The following ACER3 variants were observed in gnomAD, a reference collection of about 807,000 sequenced individuals.
ACER3 encodes the protein alkaline ceramidase 3.
Under a neutral mutation model 48.9 loss-of-function variants are expected in ACER3, and 16 were observed. That is an observed-to-expected ratio of 0.33 (90% CI 0.22 to 0.50). ACER3 has a LOEUF of 0.50. Ranked by LOEUF, ACER3 falls within the 20% of genes least tolerant of loss-of-function variation. The probability of loss-of-function intolerance (pLI) is 0.98; values close to 1 mark genes in which losing one functional copy is unlikely to be tolerated. For synonymous variants in ACER3, 109 were observed against 107.8 expected (o/e 1.01, Z -0.07); for missense variants, 227 against 326.0 (o/e 0.70, Z 2.34).
intron 7 of ACER3, among the ~76,000 whole-genome samples, chr11:77,004,748 A>G (rs114178366): frequency 1.3e-5 from 2 of 152,162 alleles, no homozygotes; most frequent in African/African-American, 4.8e-5. Flanking sequence ...CATTGTTTCG[A>G]TTAATGTTTG....
At chr11:76,973,227 C>T (rs552882706) in intron 3 of ACER3, among the ~76,000 whole-genome samples, 60 of 152,286 alleles carry the variant, frequency 3.9e-4, no homozygotes, top group African/African-American at 1.4e-3. Flanking sequence ...GGACTTCTGA[C>T]CTCCACAACT....
chr11:76,949,446 A>G (rs1158474819), intron 2 of ACER3, among the ~76,000 whole-genome samples: 4 of 152,228 alleles, frequency 2.6e-5, no homozygotes, highest in African/African-American at 9.7e-5. Flanking sequence ...ATCATGATGA[A>G]ATGTTGGCTA....
intron 4 of ACER3, among the ~76,000 whole-genome samples, chr11:76,981,961 G>A (rs1948593488): frequency 6.6e-6 from 1 of 152,078 alleles, no homozygotes; most frequent in Non-Finnish European, 1.5e-5. Context: ...CTGCCAAACT[G>A]TTTTTCAATT....
chr11:76,866,971 T>G (rs759082936), intron 1 of ACER3, among the ~76,000 whole-genome samples: 2 of 152,222 alleles, frequency 1.3e-5, no homozygotes, highest in Non-Finnish European at 2.9e-5. Flanking sequence ...TTTTCTTTAT[T>G]CATTTTTCTG....
rs1949496853 is a variant in ACER3 at position 77,023,009 on chromosome 11, G to GT, written c.*2687dup. On this transcript the variant is annotated 3_prime_UTR_variant, in exon 11 of 11. Coordinates refer to ENST00000532485, the MANE Select transcript of ACER3 (RefSeq NM_018367.7). ...TGAAAGCAATTTGACTTTTATTTTTGTTTTTCTAAAGAACAGCTAGGTGAA... is the reference window on the plus strand; with the variant it reads ...TGAAAGCAATTTGACTTTTATTTTTGTTTTTTCTAAAGAACAGCTAGGTGAA... 1 of 395,260 alleles carries GT rather than the reference G, an allele frequency of 2.5e-6. No homozygotes were observed. The highest frequency in any genetic ancestry group is 2.1e-5 in the African/African-American group (1 of 48,354). The allele number at this position is 395,260 out of a possible 1,614,324, so 24.5% of individuals were successfully genotyped here. A position where few individuals can be genotyped will look rare whatever the true frequency, so the allele number is the denominator to read the frequency against.
intron 7 of ACER3, among the ~76,000 whole-genome samples, chr11:77,008,814 G>A (rs1555021528): frequency 6.6e-6 from 1 of 152,092 alleles, no homozygotes; most frequent in Non-Finnish European, 1.5e-5. Flanking sequence ...CCAGCACTTA[G>A]GGAGGCCAAG....
At chr11:76,868,753 A>T (rs1228355617) in intron 1 of ACER3, among the ~76,000 whole-genome samples, 1 of 152,100 alleles carries the variant, frequency 6.6e-6, no homozygotes, top group Admixed American at 6.5e-5. Flanking sequence ...TTTTTTGTCC[A>T]ATCATATTTC....
At chr11:77,015,912 G>T (rs1329049246) in intron 8 of ACER3, among the ~76,000 whole-genome samples, 1 of 152,092 alleles carries the variant, frequency 6.6e-6, no homozygotes, top group Admixed American at 6.6e-5. Context: ...TTCAAGACCA[G>T]CCAGGCCAAC....
chr11:76,937,737 G>A (rs1947229081), intron 2 of ACER3, among the ~76,000 whole-genome samples: 1 of 152,122 alleles, frequency 6.6e-6, no homozygotes, highest in South Asian at 2.1e-4. Context: ...AAAAGATAGA[G>A]GAGAGAGTGA....
chr11:76,888,788 A>G (rs1250314934), intron 1 of ACER3, among the ~76,000 whole-genome samples: 1 of 152,206 alleles, frequency 6.6e-6, no homozygotes, highest in Admixed American at 6.5e-5. Context: ...ATGATCATGT[A>G]TCTCTTGTCA....
chr11:76,948,550 G>A (rs893893615), intron 2 of ACER3, among the ~76,000 whole-genome samples: 4 of 152,086 alleles, frequency 2.6e-5, no homozygotes, highest in Non-Finnish European at 4.4e-5. Context: ...TGCCCTGGAA[G>A]TCATAGTTGG....
At chr11:76,987,155 T>TGCTCTGGTTATGAG (rs1352406600) in intron 5 of ACER3, among the ~76,000 whole-genome samples, 1 of 152,236 alleles carries the variant, frequency 6.6e-6, no homozygotes, top group African/African-American at 2.4e-5. Flanking sequence ...TTAGAAAGAT[T>TGCTCTGGTTATGAG]GCTCTGGTTA....
intron 6 of ACER3, chr11:76,994,376 C>A (rs1200320446): frequency 2.9e-6 from 1 of 349,398 alleles, no homozygotes; most frequent in South Asian, 2.1e-5. Flanking sequence ...GTGATCTGCC[C>A]GCCTTGGCCT....
At chr11:76,906,703 C>CT (rs983512697) in intron 1 of ACER3, among the ~76,000 whole-genome samples, 2 of 151,852 alleles carry the variant, frequency 1.3e-5, no homozygotes, top group East Asian at 3.9e-4. Context: ...TACACTTTGA[C>CT]TTTTTTTTGT....
intron 1 of ACER3, among the ~76,000 whole-genome samples, chr11:76,888,634 G>A (rs1291549388): frequency 6.6e-6 from 1 of 151,880 alleles, no homozygotes; most frequent in Non-Finnish European, 1.5e-5. Context: ...AGCTGCCCTT[G>A]GCTCCTGGAG....
intron 1 of ACER3, among the ~76,000 whole-genome samples, chr11:76,884,981 T>C (rs1945636866): frequency 6.6e-6 from 1 of 152,054 alleles, no homozygotes; most frequent in Non-Finnish European, 1.5e-5. Context: ...GCCCAGGCTG[T>C]CTCAAACTCC....
intron 7 of ACER3, among the ~76,000 whole-genome samples, chr11:77,005,992 T>TATAC (rs1491403985): frequency 1.4e-5 from 1 of 70,588 alleles, no homozygotes. Context: ...TATATATATA[T>TATAC]TTTTTTTTTT....
chr11:76,950,056 G>A (rs894235967), intron 2 of ACER3, among the ~76,000 whole-genome samples: 2 of 151,948 alleles, frequency 1.3e-5, no homozygotes, highest in Admixed American at 6.6e-5. Context: ...CTAGAAAGCC[G>A]CCTTTTAAAT....
At chr11:76,964,957 G>A (rs1172977883) in intron 3 of ACER3, among the ~76,000 whole-genome samples, 5 of 151,358 alleles carry the variant, frequency 3.3e-5, no homozygotes, top group East Asian at 1.9e-4. Flanking sequence ...AAAGCTGGAC[G>A]GAGAATGACT....
Sources: gnomAD v4.1 joint callset for allele counts (sites outside exome capture counted in the v4.1 genomes callset) on GRCh38, gnomAD v4.1.1 for gene constraint, MANE v1.5 for transcripts, NCBI Gene and HGNC (gene_info 2026-07-23, HGNC 2026-07-21) for gene names.